Variants in TRAF3IP1 observed in about 807,000 individuals in gnomAD.
TRAF3IP1 encodes intraflagellar transport 54, also known as TRAF3-interacting protein 1.
A neutral mutation model predicts 89.9 loss-of-function variants in TRAF3IP1; 53 were observed. The observed-to-expected ratio is 0.59, with a 90% CI of 0.47 to 0.74. The LOEUF is 0.74. TRAF3IP1 is among the 30% of genes least tolerant of loss of function. The pLI, the probability that TRAF3IP1 is intolerant of heterozygous loss-of-function variation, is 0.00. For synonymous variants in TRAF3IP1, 311 were observed against 322.1 expected, an observed-to-expected ratio of 0.97 and a Z score of 0.37; for missense variants, 806 against 866.1, an observed-to-expected ratio of 0.93 and a Z score of 0.87.
intron 15 of TRAF3IP1, among the ~76,000 whole-genome samples, chr2:238,384,397 G>A (rs901374790): frequency 2.2e-5 from 3 of 138,994 alleles, no homozygotes; most frequent in Non-Finnish European, 4.7e-5. Flanking sequence ...TATATATATG[G>A]AGTCTTGCTC....
chr2:238,356,466 C>T (rs200489308), intron 15 of TRAF3IP1, among the ~76,000 whole-genome samples: 2 of 152,090 alleles, frequency 1.3e-5, no homozygotes, highest in East Asian at 3.9e-4. Context: ...CACGGCACTC[C>T]AGCCTGGGCA....
intron 15 of TRAF3IP1, among the ~76,000 whole-genome samples, chr2:238,365,033 A>T: frequency 6.6e-6 from 1 of 152,346 alleles, no homozygotes; most frequent in Middle Eastern, 3.4e-3. Flanking sequence ...GATGGATACA[A>T]TGACCTTATC....
intron 10 of TRAF3IP1, among the ~76,000 whole-genome samples, chr2:238,348,437 T>C (rs538565447): frequency 1.3e-5 from 2 of 152,332 alleles, no homozygotes; most frequent in Non-Finnish European, 2.9e-5. Context: ...CATCTTGACA[T>C]GTGTCCATTT....
intron 14 of TRAF3IP1, among the ~76,000 whole-genome samples, chr2:238,354,822 T>G (rs1699335769): frequency 6.6e-6 from 1 of 151,998 alleles, no homozygotes; most frequent in African/African-American, 2.4e-5. Context: ...AGTTATTTTT[T>G]TGTATTTTTA....
chr2:238,382,224 G>C (rs530651869), intron 15 of TRAF3IP1, among the ~76,000 whole-genome samples: 9 of 152,156 alleles, frequency 5.9e-5, no homozygotes, highest in Non-Finnish European at 1.3e-4. Context: ...TGCCACAGTG[G>C]TTCTCCTGCA....
chr2:238,373,369 G>T (rs1408217561), intron 15 of TRAF3IP1, among the ~76,000 whole-genome samples: 1 of 152,136 alleles, frequency 6.6e-6, no homozygotes, highest in African/African-American at 2.4e-5. Context: ...AGTTTTCCCA[G>T]CACCATTTAT....
rs1421537563 is a variant in TRAF3IP1, at chr2:238,351,866, T to TGTGTGTGTGTGTGTGTGTGTGTGC, written c.1452-960_1452-959insTGTGTGTGTGTGTGTGTGTGTGCG. Among the ~76,000 whole-genome samples the TGTGTGTGTGTGTGTGTGTGTGTGC allele has an allele frequency of 3.9e-5, 5 of 128,192 alleles. No individual in the cohort carries two copies. The highest frequency in any genetic ancestry group is 1.7e-4 in the African/African-American group (5 of 29,416). The allele number at this position is 128,192 out of a possible 152,430, so 84.1% of individuals were successfully genotyped here. A position where few individuals can be genotyped will look rare whatever the true frequency, so the allele number is the denominator to read the frequency against. On this transcript the variant is annotated intron_variant, in intron 12 of 16. Transcript: ENST00000373327. The surrounding 1 kb of genome is among the most constrained non-coding windows in gnomAD (Gnocchi z 5.2). ...GTGTGTGTGTGTGTGTGTGTGTGTGTGCGCGCGCGCGCGTGTGCGTGCATG... is the reference window on the plus strand; with the variant it reads ...GTGTGTGTGTGTGTGTGTGTGTGTGTGTGTGTGTGTGTGTGTGTGTGTGCGCGCGCGCGCGCGTGTGCGTGCATG...
chr2:238,395,578 C>T (rs1478111341), intron 15 of TRAF3IP1, among the ~76,000 whole-genome samples: 4 of 152,124 alleles, frequency 2.6e-5, no homozygotes, highest in Admixed American at 2.6e-4. Flanking sequence ...AAGAAACTAC[C>T]ATCAGGGTGA....
intron 5 of TRAF3IP1, among the ~76,000 whole-genome samples, chr2:238,331,480 C>T (rs554075025): frequency 6.6e-6 from 1 of 151,980 alleles, no homozygotes; most frequent in East Asian, 1.9e-4. Context: ...CCGTCTCAAA[C>T]AACAACAACA....
At chr2:238,391,938 CAA>C (rs1559397271) in intron 15 of TRAF3IP1, among the ~76,000 whole-genome samples, 1 of 152,138 alleles carries the variant, frequency 6.6e-6, no homozygotes, top group Admixed American at 6.5e-5. Context: ...ATAATAAAGA[CAA>C]TATATTTTTC....
At chr2:238,332,409 GTGA>G (rs1248871040) in intron 5 of TRAF3IP1, among the ~76,000 whole-genome samples, 2 of 152,214 alleles carry the variant, frequency 1.3e-5, no homozygotes, top group African/African-American at 4.8e-5. Flanking sequence ...AAGTTAGCCT[GTGA>G]TCAGCAGAGG....
At chr2:238,325,506 T>C in intron 2 of TRAF3IP1, 132 bp downstream of exon 2, 1 of 869,020 alleles carries the variant, frequency 1.2e-6, no homozygotes, top group Non-Finnish European at 1.8e-6. Context: ...AATTCGTAAA[T>C]TGATATATAT....
chr2:238,324,073 TTTC>T (rs1460934814), intron 1 of TRAF3IP1, among the ~76,000 whole-genome samples: 4 of 152,182 alleles, frequency 2.6e-5, no homozygotes, highest in Non-Finnish European at 5.9e-5. Flanking sequence ...TTTTCTTTTC[TTTC>T]TTTTTTTTTG....
At chr2:238,387,027 A>G (rs927182570) in intron 15 of TRAF3IP1, among the ~76,000 whole-genome samples, 1 of 152,250 alleles carries the variant, frequency 6.6e-6, no homozygotes, top group Non-Finnish European at 1.5e-5. Flanking sequence ...AGCACTTACC[A>G]TGACTAAGGA....
chr2:238,346,699 G>A (rs758889946), intron 9 of TRAF3IP1, among the ~76,000 whole-genome samples: 6 of 152,198 alleles, frequency 3.9e-5, no homozygotes, highest in Non-Finnish European at 8.8e-5. Context: ...CGTGTTAAAC[G>A]AGGCGCTGCA....
chr2:238,325,942 A>G lies in TRAF3IP1; in HGVS notation c.326A>G (p.Gln109Arg), dbSNP rs1406745027. Reference sequence around the variant, plus strand: ...CCTGAAAGAACAAACGAGCTGCTCCAGATAATTGGAAAATGCTGTCTCAAC... The same window carrying G: ...CCTGAAAGAACAAACGAGCTGCTCCGGATAATTGGAAAATGCTGTCTCAAC... ...HEPERTNELL[Q>R]IIGKCCLNKL... The change falls in exon 3 of 17, where the codon CAG becomes CGG. Residue 109 changes from glutamine to arginine, a missense_variant. Physicochemically the swap from Gln to Arg is conservative, Grantham distance 43 (BLOSUM62 1). Around this residue, in one of 3 missense-constraint regions of TRAF3IP1, gnomAD observed 732 missense variants for 780.5 expected, o/e 0.94. Coordinates refer to ENST00000373327, the MANE Select transcript of TRAF3IP1 (RefSeq NM_015650.4). 3.7e-6 allele frequency: 6 copies of G among 1,613,342 alleles called. No homozygotes were observed. Among genetic ancestry groups the G allele is most frequent in the Admixed American group, 1.7e-5 (1 of 59,784 alleles).
At chr2:238,357,403 G>A (rs1445189455) in intron 15 of TRAF3IP1, among the ~76,000 whole-genome samples, 1 of 152,036 alleles carries the variant, frequency 6.6e-6, no homozygotes, top group Non-Finnish European at 1.5e-5. Flanking sequence ...GCACACATAC[G>A]TACACACACA....
At position 238,341,725 on chromosome 2, in the gene TRAF3IP1, G is replaced by A. The variant is rs533109242; in HGVS notation, c.1160-2772G>A. ...CCAGCCGGGCACAGTGCTCCTTGCTGTATGCACAAGATCTCATTTGACTCA... is the reference window on the plus strand; with the variant it reads ...CCAGCCGGGCACAGTGCTCCTTGCTATATGCACAAGATCTCATTTGACTCA... On this transcript the variant is annotated intron_variant, in intron 8 of 16. Coordinates refer to ENST00000373327, the MANE Select transcript of TRAF3IP1 (RefSeq NM_015650.4). 3.3e-5 allele frequency among the ~76,000 whole-genome samples: 5 copies of A among 152,226 alleles called. No individual in the cohort carries two copies. The South Asian group carries it at 8.3e-4, about 25-fold the overall frequency.
rs552968512 is a variant in TRAF3IP1 at position 238,365,051 on chromosome 2, A to G, written c.1689+8971A>G. On this transcript the variant is annotated intron_variant, in intron 15 of 16. Coordinates refer to ENST00000373327, the MANE Select transcript of TRAF3IP1 (RefSeq NM_015650.4). ...GGATACAATGACCTTATCGTGAACA[A>G]GTTATGTTTTAATTAAAGTCAGTGG... Among the ~76,000 whole-genome samples, 5 of 152,366 alleles carry G rather than the reference A, an allele frequency of 3.3e-5. No individual in the cohort carries two copies. In the East Asian group the frequency reaches 9.6e-4, roughly 29 times the overall value.
Sources: gnomAD v4.1 joint callset for allele counts (sites outside exome capture counted in the v4.1 genomes callset) on GRCh38, gnomAD v4.1.1 for gene constraint, gnomAD v4.1.1 regional missense constraint, Gnocchi (gnomAD v3.1) non-coding constraint, MANE v1.5 for transcripts, NCBI Gene and HGNC (gene_info 2026-07-23, HGNC 2026-07-21) for gene names.